Variants in ZBED4 observed in about 807,000 individuals in gnomAD.
ZBED4 encodes the protein zinc finger BED-type containing 4, also known as zinc finger BED domain-containing protein 4.
In ZBED4, 4 loss-of-function variants were observed where a neutral mutation model predicts 15.5. The ratio of observed to expected loss-of-function variants is 0.26; its 90% CI spans 0.13 to 0.59. The LOEUF is 0.59. Among genes scored for constraint, ZBED4 ranks in the 20% least tolerant of loss-of-function variants. The pLI is 0.90. For missense variants in ZBED4, 1,323 were observed against 1,461.8 expected, an observed-to-expected ratio of 0.91 and a Z score of 1.55; for synonymous variants, 692 against 608.5, an observed-to-expected ratio of 1.14 and a Z score of -2.02.
chr22:49,864,937 G>GCC (rs1159525378), intron 1 of ZBED4, among the ~76,000 whole-genome samples: 8 of 11,342 alleles, frequency 7.1e-4, no homozygotes, highest in African/African-American at 1.3e-3. Flanking sequence ...ATCCCAGCAA[G>GCC]CCCCCCCCCC....
At chr22:49,873,059 G>C (rs1428395398) in intron 1 of ZBED4, among the ~76,000 whole-genome samples, 2 of 152,258 alleles carry the variant, frequency 1.3e-5, no homozygotes, top group East Asian at 3.9e-4. Context: ...ACAAACTCCT[G>C]AGCTCATGCA....
At position 49,889,360 on chromosome 22, in the gene ZBED4, A is replaced by C. The variant is rs1237237203; in HGVS notation, c.*2182A>C. On this transcript the variant is annotated 3_prime_UTR_variant, in exon 2 of 2. Coordinates refer to ENST00000216268, the MANE Select transcript of ZBED4 (RefSeq NM_014838.3). Reference sequence around the variant, plus strand: ...GAACTGAATAGTTGTGACAGAGACCACAGGCCCACTGAAAGGGACAAACAG... The same window carrying C: ...GAACTGAATAGTTGTGACAGAGACCCCAGGCCCACTGAAAGGGACAAACAG... 6.0e-6 allele frequency: 1 copy of C among 167,114 alleles called. No homozygotes were observed. Among genetic ancestry groups the C allele is most frequent in the Non-Finnish European group, 1.5e-5 (1 of 68,130 alleles). 10.4% of individuals were successfully genotyped at this position (167,114 alleles called of 1,614,324 possible).
Position 49,887,131 on chromosome 22 carries a change from C to T in ZBED4, c.3469C>T (p.Leu1157Phe). The change falls in exon 2 of 2, where the codon CTT becomes TTT. Residue 1157 changes from leucine to phenylalanine, a missense_variant. By Grantham distance (22) the Leu-to-Phe change is conservative (BLOSUM62 0). Coordinates refer to ENST00000216268, the MANE Select transcript of ZBED4 (RefSeq NM_014838.3). ...SRLMMEHFEK[L>F]IFLKVNLPLI... ...GCTCATGATGGAACATTTTGAAAAA[C>T]TTATCTTTTTGAAAGTGAATCTTCC... 6.2e-7 allele frequency: 1 copy of T among 1,613,006 alleles called. No homozygotes were observed. The highest frequency in any genetic ancestry group is 8.5e-7 in the Non-Finnish European group (1 of 1,179,706).
Position 49,886,926 on chromosome 22 carries a change from T to C in ZBED4, c.3264T>C (p.Tyr1088=), listed in dbSNP as rs1212395047. 1 of 1,614,048 alleles carries C rather than the reference T, an allele frequency of 6.2e-7. No individual in the cohort carries two copies. Among genetic ancestry groups the C allele is most frequent in the Non-Finnish European group, 8.5e-7 (1 of 1,180,018 alleles). The change falls in exon 2 of 2, where the codon TAT becomes TAC. Residue 1088 remains tyrosine (Y), a synonymous_variant. Transcript: ENST00000216268. This position sits in a 1 kb window ranked among gnomAD's most constrained non-coding sequence, Gnocchi z 7.7. ...EKLPEAMVLA[Y]LEEEVLEHSC... is the part of the protein sequence containing the mutation. ...TGCCTGAAGCCATGGTGCTTGCGTATCTGGAGGAGGAGGTGCTTGAACACA... is the reference window on the plus strand; with the variant it reads ...TGCCTGAAGCCATGGTGCTTGCGTACCTGGAGGAGGAGGTGCTTGAACACA...
chr22:49,857,065 C>T (rs367978699), intron 1 of ZBED4, among the ~76,000 whole-genome samples: 1 of 152,224 alleles, frequency 6.6e-6, no homozygotes, highest in Non-Finnish European at 1.5e-5. Context: ...TGCCTTGCCA[C>T]CTCCACAGAC....
chr22:49,886,548 C>T lies in ZBED4; in HGVS notation c.2886C>T (p.His962=). The change falls in exon 2 of 2, where the codon CAC becomes CAT. Residue 962 remains histidine, a synonymous_variant. Transcript: ENST00000216268. The surrounding 1 kb of genome is among the most constrained non-coding windows in gnomAD (Gnocchi z 7.7). ...TCAGCCAGGTCATCCCCATGGTACA[C>T]ATCCTCAACAGGAAGGTGGAGATGC... The part of the protein sequence containing the change: ...STLSQVIPMV[H]ILNRKVEMLF... 1 of 1,563,678 alleles carries T rather than the reference C, an allele frequency of 6.4e-7. No homozygotes were observed. The highest frequency in any genetic ancestry group is 8.7e-7 in the Non-Finnish European group (1 of 1,154,054).
At chr22:49,874,698 T>TTTTTTTTTTTA in intron 1 of ZBED4, among the ~76,000 whole-genome samples, 2 of 142,398 alleles carry the variant, frequency 1.4e-5, no homozygotes, top group Non-Finnish European at 1.5e-5. Flanking sequence ...TTTTTTTTTT[T>TTTTTTTTTTTA]GAGACGGAGT....
At chr22:49,864,420 G>A (rs576126520) in intron 1 of ZBED4, among the ~76,000 whole-genome samples, 1 of 152,340 alleles carries the variant, frequency 6.6e-6, no homozygotes, top group East Asian at 1.9e-4. Flanking sequence ...TAGTTATGCA[G>A]GGTCTCAACT....
At chr22:49,857,054 C>T (rs537803290) in intron 1 of ZBED4, among the ~76,000 whole-genome samples, 17 of 152,358 alleles carry the variant, frequency 1.1e-4, no homozygotes, top group South Asian at 6.2e-4. Flanking sequence ...CCCGCCCTTC[C>T]TGCCTTGCCA....
Position 49,884,596 on chromosome 22 carries a change from G to A in ZBED4, c.934G>A (p.Glu312Lys), listed in dbSNP as rs1053191940. Residue 312 changes from glutamate (E) to lysine (K), a missense_variant, in exon 2 of 2, where the codon GAG (glutamate) becomes AAG (lysine). Coordinates refer to ENST00000216268, the MANE Select transcript of ZBED4 (RefSeq NM_014838.3). Reference protein sequence around the residue: ...SKAVCIHCMNEFSRGKNGKDL... With the variant: ...SKAVCIHCMNKFSRGKNGKDL... ...AGCTGTCTGCATTCACTGCATGAAC[G>A]AGTTCAGCCGGGGGAAGAATGGGAA... 4 of 1,612,558 alleles carry A rather than the reference G, an allele frequency of 2.5e-6. No homozygotes were observed. Among genetic ancestry groups the A allele is most frequent in the Admixed American group, 1.7e-5 (1 of 59,884 alleles).
In ZBED4 at chr22:49,854,572, TCGA is replaced by T. The variant is rs1169547757; in HGVS notation, c.-330+585_-330+587del. 3.9e-5 allele frequency among the ~76,000 whole-genome samples: 6 copies of T among 152,366 alleles called. No homozygotes were observed. In the East Asian group the frequency reaches 1.2e-3, roughly 29 times the overall value. ...TGCGAACCATAATTTCAAATGTTTTTCGACTGCAGTGGTTTTCCTACACCCAAA... is the reference window on the plus strand; with the variant it reads ...TGCGAACCATAATTTCAAATGTTTTTCTGCAGTGGTTTTCCTACACCCAAA... On this transcript the variant is annotated intron_variant, in intron 1 of 1. Transcript: ENST00000216268.
chr22:49,877,377 C>T (rs9627779), intron 1 of ZBED4, among the ~76,000 whole-genome samples: 8,627 of 142,852 alleles, frequency 0.06, 662 homozygotes, highest in African/African-American at 0.18. Flanking sequence ...CTGCAACCTC[C>T]GCCTCCCAGG....
At chr22:49,869,230 A>G (rs1331761923) in intron 1 of ZBED4, among the ~76,000 whole-genome samples, 1 of 151,844 alleles carries the variant, frequency 6.6e-6, no homozygotes, top group Non-Finnish European at 1.5e-5. Flanking sequence ...TGTGGCTTTG[A>G]TTCACGTACA....
rs1432318060 is a variant in ZBED4 at position 49,885,944 on chromosome 22, G to A, written c.2282G>A (p.Cys761Tyr). 3 of 766,788 alleles carry A rather than the reference G, an allele frequency of 3.9e-6. No homozygotes were observed. The highest frequency in any genetic ancestry group is 2.3e-6 in the Non-Finnish European group (1 of 434,878). 47.5% of individuals were successfully genotyped at this position (766,788 alleles called of 1,614,324 possible). The change falls in exon 2 of 2, where the codon TGT becomes TAT. Residue 761 changes from cysteine (C) to tyrosine (Y), a missense_variant. By Grantham distance (194) the Cys-to-Tyr change is radical. Transcript: ENST00000216268. ...TTCGAGTCGCCAGCCCGGCCGCGCT[G>A]TGACGACCACCACTGCTCGGCGCTG... ...VSFESPARPR[C>Y]DDHHCSALLD...
At position 49,886,044 on chromosome 22, in the gene ZBED4, G is replaced by A. The variant is rs1192994641; in HGVS notation, c.2382G>A (p.Ala794=). 6 of 681,996 alleles carry A rather than the reference G, an allele frequency of 8.8e-6. No individual in the cohort carries two copies. The highest frequency in any genetic ancestry group is 5.4e-5 in the African/African-American group (3 of 55,854). 42.2% of individuals were successfully genotyped at this position (681,996 alleles called of 1,614,324 possible). A position where few individuals can be genotyped will look rare whatever the true frequency, so the allele number is the denominator to read the frequency against. The part of the protein sequence containing the change: ...IQKQLECWWE[A]WVTSTGLQVG... Reference sequence around the variant, plus strand: ...AGCAGCTGGAGTGCTGGTGGGAAGCGTGGGTGACCTCCACCGGCCTTCAGG... The same window carrying A: ...AGCAGCTGGAGTGCTGGTGGGAAGCATGGGTGACCTCCACCGGCCTTCAGG... The change falls in exon 2 of 2, where the codon GCG becomes GCA. Residue 794 remains alanine, a synonymous_variant. Coordinates refer to ENST00000216268, the MANE Select transcript of ZBED4 (RefSeq NM_014838.3). This position sits in a 1 kb window ranked among gnomAD's most constrained non-coding sequence, Gnocchi z 7.7.
chr22:49,881,926 G>A (rs2060411718), intron 1 of ZBED4, among the ~76,000 whole-genome samples: 1 of 152,100 alleles, frequency 6.6e-6, no homozygotes, highest in Admixed American at 6.5e-5. Context: ...ATTTCTGGTG[G>A]GAGCTAGCAG....
At chr22:49,881,064 G>C (rs768144398) in intron 1 of ZBED4, among the ~76,000 whole-genome samples, 3 of 152,174 alleles carry the variant, frequency 2.0e-5, no homozygotes, top group Non-Finnish European at 4.4e-5. Context: ...TTCATTTTCT[G>C]GCCAGGCGCA....
In ZBED4 at chr22:49,884,539, C is replaced by T; in HGVS notation, c.877C>T (p.His293Tyr). 6.2e-7 allele frequency: 1 copy of T among 1,613,882 alleles called. No homozygotes were observed. The highest frequency in any genetic ancestry group is 8.5e-7 in the Non-Finnish European group (1 of 1,179,858). Residue 293 changes from histidine to tyrosine, a missense_variant, in exon 2 of 2, where the codon CAC (histidine) becomes TAC (tyrosine). Physicochemically the swap from His to Tyr is moderately conservative, Grantham distance 83. This residue lies in a region of ZBED4 where 380 missense variants were observed against 413.7 expected (regional missense o/e 0.92). Transcript: ENST00000216268. Reference protein sequence around the residue: ...GSRRRSAVWKHFYLSPLDNSK... With the variant: ...GSRRRSAVWKYFYLSPLDNSK... ...CAGGAGAAGGTCCGCTGTCTGGAAG[C>T]ACTTCTACCTGTCGCCACTGGACAA...
chr22:49,854,730 C>T (rs944947435), intron 1 of ZBED4, among the ~76,000 whole-genome samples: 5 of 152,086 alleles, frequency 3.3e-5, no homozygotes, highest in Non-Finnish European at 7.4e-5. Context: ...CTGGTAGACC[C>T]GGGCACCTCT....
Sources: gnomAD v4.1 joint callset for allele counts (sites outside exome capture counted in the v4.1 genomes callset) on GRCh38, gnomAD v4.1.1 for gene constraint, gnomAD v4.1.1 regional missense constraint, Gnocchi (gnomAD v3.1) non-coding constraint, MANE v1.5 for transcripts, NCBI Gene and HGNC (gene_info 2026-07-23, HGNC 2026-07-21) for gene names.